Variants in TBCD observed in about 807,000 individuals in gnomAD.
The protein encoded by TBCD is tubulin folding cofactor D, also known as tubulin-specific chaperone D.
TBCD carries 105 observed loss-of-function variants against 169.3 expected under a neutral mutation model. The observed-to-expected ratio is 0.62, with a 90% confidence interval of 0.53 to 0.73. TBCD has a LOEUF of 0.73. TBCD is among the 30% of genes least tolerant of loss of function. The probability of loss-of-function intolerance (pLI) is 0.00; values close to 1 mark genes in which losing one functional copy is unlikely to be tolerated. For synonymous variants in TBCD, 700 were observed against 643.9 expected (o/e 1.09, Z -1.32); for missense variants, 1,444 against 1,600.1 (o/e 0.90, Z 1.66).
In TBCD at chr17:82,805,992, G is replaced by C. The variant is rs758289254; in HGVS notation, c.1068G>C (p.Glu356Asp). The C allele has an allele frequency of 6.2e-7, 1 of 1,613,758 alleles. No homozygotes were observed. The highest frequency in any genetic ancestry group is 8.5e-7 in the Non-Finnish European group (1 of 1,179,720). Reference protein sequence around the residue: ...EDDDEDDDVPEGVERVIEQLL... With the variant: ...EDDDEDDDVPDGVERVIEQLL... ...ACGACGAAGATGACGACGTCCCAGA[G>C]GGGGTGGAGCGTGTGATAGGTGCGT... Residue 356 changes from glutamate to aspartate, a missense_variant, in exon 10 of 39, where the codon GAG (glutamate) becomes GAC (aspartate). Glu to Asp is a conservative substitution (Grantham distance 45). Coordinates refer to ENST00000355528, the MANE Select transcript of TBCD (RefSeq NM_005993.5).
At chr17:82,901,149 A>G (rs1280444530) in intron 18 of TBCD, among the ~76,000 whole-genome samples, 1 of 152,234 alleles carries the variant, frequency 6.6e-6, no homozygotes, top group East Asian at 1.9e-4. Flanking sequence ...GGCCGTTTTC[A>G]TCATTACAGT....
rs147947696 is a variant in TBCD at position 82,776,221 on chromosome 17, A to G, written c.638+3714A>G. 3.9e-3 allele frequency among the ~76,000 whole-genome samples: 597 copies of G among 152,248 alleles called. 4 individuals are homozygous for G. Among genetic ancestry groups the G allele is most frequent in the Non-Finnish European group, 6.7e-3 (454 of 68,006 alleles). On this transcript the variant is annotated intron_variant, in intron 6 of 38. Coordinates refer to ENST00000355528, the MANE Select transcript of TBCD (RefSeq NM_005993.5). ...GCAACAGAGCAAGACTCCATCTCAAAAAAAAAAGAGGTACGCTGTATGCAG... is the reference window on the plus strand; with the variant it reads ...GCAACAGAGCAAGACTCCATCTCAAGAAAAAAAGAGGTACGCTGTATGCAG...
chr17:82,841,721 T>C (rs2054542230), intron 13 of TBCD, among the ~76,000 whole-genome samples: 1 of 152,212 alleles, frequency 6.6e-6, no homozygotes, highest in Non-Finnish European at 1.5e-5. Flanking sequence ...TAGGATATAT[T>C]GTGTCAGGAG....
rs373972669 is a variant in TBCD, at chr17:82,858,689, T to G, written c.1319-11535T>G. 241 of 977,836 alleles carry G rather than the reference T, an allele frequency of 2.5e-4. 1 individual carries two copies. In the Middle Eastern group the frequency reaches 3.7e-3, roughly 15 times the overall value. 60.6% of individuals were successfully genotyped at this position (977,836 alleles called of 1,614,324 possible). A position where few individuals can be genotyped will look rare whatever the true frequency, so the allele number is the denominator to read the frequency against. On this transcript the variant is annotated intron_variant, in intron 13 of 38. Coordinates refer to ENST00000355528, the MANE Select transcript of TBCD (RefSeq NM_005993.5). ...TGAGGTGAGGTTCCTGTGTTTTCCT[T>G]GTACTTACCTTCATATTTTCTGACC...
At chr17:82,928,034 G>A (rs763671524) in intron 30 of TBCD, 46 bp downstream of exon 30, 50 of 1,571,954 alleles carry the variant, frequency 3.2e-5, no homozygotes, top group Admixed American at 1.2e-4. Flanking sequence ...GGGCAGCCCC[G>A]AGCTTGGGGA....
At chr17:82,765,895 A>G (rs2047994109) in intron 3 of TBCD, among the ~76,000 whole-genome samples, 1 of 152,102 alleles carries the variant, frequency 6.6e-6, no homozygotes, top group South Asian at 2.1e-4. Flanking sequence ...AGCTCACTGC[A>G]GCCTCGAACT....
At chr17:82,777,223 G>T (rs559580563) in intron 6 of TBCD, among the ~76,000 whole-genome samples, 2 of 152,160 alleles carry the variant, frequency 1.3e-5, no homozygotes, top group East Asian at 3.9e-4. Context: ...TTCATTTGGG[G>T]TTTCTTTTGG....
intron 11 of TBCD, 68 bp downstream of exon 11, chr17:82,807,736 A>G (rs2051080226): frequency 7.9e-7 from 1 of 1,265,112 alleles, no homozygotes; most frequent in Non-Finnish European, 1.0e-6. Flanking sequence ...TTCAGCAGCT[A>G]CAAATACCCA....
At chr17:82,899,988 C>T (rs774975764) in intron 17 of TBCD, among the ~76,000 whole-genome samples, 4 of 152,172 alleles carry the variant, frequency 2.6e-5, no homozygotes, top group South Asian at 2.1e-4. Context: ...TGTTACAAGT[C>T]GGTTTGCCTT....
chr17:82,849,541 T>C (rs907624930), intron 13 of TBCD, among the ~76,000 whole-genome samples: 1 of 152,226 alleles, frequency 6.6e-6, no homozygotes, highest in African/African-American at 2.4e-5. Context: ...CTTTTTAGGT[T>C]ATCTCAAGTT....
At chr17:82,912,274 A>C (rs2060699690) in intron 23 of TBCD, among the ~76,000 whole-genome samples, 1 of 152,060 alleles carries the variant, frequency 6.6e-6, no homozygotes, top group Non-Finnish European at 1.5e-5. Context: ...CTCCTTACAC[A>C]CCCGAGTCCA....
At chr17:82,766,769 C>T (rs1462543441) in intron 4 of TBCD, among the ~76,000 whole-genome samples, 2 of 152,184 alleles carry the variant, frequency 1.3e-5, no homozygotes, top group African/African-American at 4.8e-5. Context: ...CAAAATAATA[C>T]ACAGCAAAAT....
At chr17:82,927,563 AG>A (rs1273180495) in intron 29 of TBCD, among the ~76,000 whole-genome samples, 1 of 152,110 alleles carries the variant, frequency 6.6e-6, no homozygotes, top group East Asian at 1.9e-4. Flanking sequence ...CCTCGTTGAC[AG>A]GGTGTGAGGG....
At chr17:82,770,869 C>T (rs1044581882) in intron 5 of TBCD, among the ~76,000 whole-genome samples, 4 of 151,878 alleles carry the variant, frequency 2.6e-5, no homozygotes, top group Admixed American at 6.6e-5. Flanking sequence ...CAAAAATTAG[C>T]CGGGAATGGT....
At position 82,792,357 on chromosome 17, in the gene TBCD, G is replaced by GCGCACACA. The variant is rs1555684059; in HGVS notation, c.772-5399_772-5398insGCACACAC. On this transcript the variant is annotated intron_variant, in intron 7 of 38. Transcript: ENST00000355528. ...TATATACACACGTGTATACATGTGT[G>GCGCACACA]CACACACACACACACATATATGTGT... 9.5e-3 allele frequency among the ~76,000 whole-genome samples: 1,391 copies of GCGCACACA among 145,718 alleles called. 19 individuals are homozygous for GCGCACACA. Among genetic ancestry groups the GCGCACACA allele is most frequent in the African/African-American group, 0.032 (1,284 of 40,316 alleles).
chr17:82,761,611 C>A (rs1395441101), intron 2 of TBCD, among the ~76,000 whole-genome samples: 2 of 152,096 alleles, frequency 1.3e-5, no homozygotes, highest in African/African-American at 4.8e-5. Context: ...AGTATGTGCT[C>A]TTTTTGTCTT....
chr17:82,866,665 A>G (rs1049651153), intron 13 of TBCD, among the ~76,000 whole-genome samples: 1 of 152,122 alleles, frequency 6.6e-6, no homozygotes, highest in Non-Finnish European at 1.5e-5. Flanking sequence ...GCCCTTCTGG[A>G]TGCCTGTAGC....
intron 7 of TBCD, among the ~76,000 whole-genome samples, chr17:82,792,617 C>T (rs969374044): frequency 4.6e-5 from 7 of 152,182 alleles, no homozygotes; most frequent in African/African-American, 1.4e-4. Flanking sequence ...AGGACATGGA[C>T]CCAGGTCAGG....
chr17:82,843,075 C>G (rs909462451), intron 13 of TBCD, among the ~76,000 whole-genome samples: 1 of 152,068 alleles, frequency 6.6e-6, no homozygotes, highest in Non-Finnish European at 1.5e-5. Context: ...CCACCACACC[C>G]GGCCGCAAGT....
Sources: gnomAD v4.1 joint callset for allele counts (sites outside exome capture counted in the v4.1 genomes callset) on GRCh38, gnomAD v4.1.1 for gene constraint, MANE v1.5 for transcripts, NCBI Gene and HGNC (gene_info 2026-07-23, HGNC 2026-07-21) for gene names.